The following RBFOX3 variants were observed in gnomAD, a reference collection of about 807,000 sequenced individuals.
RBFOX3 encodes the protein RNA binding protein fox-1 homolog 3.
A neutral mutation model predicts 48.7 loss-of-function variants in RBFOX3; 17 were observed. The observed-to-expected ratio is 0.35, with a 90% confidence interval of 0.24 to 0.52. The LOEUF is 0.52. RBFOX3 is among the 20% of genes least tolerant of loss of function. RBFOX3 has a pLI of 0.94. For missense variants in RBFOX3, 382 were observed against 497.5 expected, an observed-to-expected ratio of 0.77 and a Z score of 2.21; for synonymous variants, 212 against 209.5, an observed-to-expected ratio of 1.01 and a Z score of -0.10.
the RBFOX3 span, among the ~76,000 whole-genome samples, chr17:79,645,576 C>T: frequency 6.6e-6 from 1 of 152,228 alleles, no homozygotes; most frequent in South Asian, 2.1e-4. Flanking sequence ...TCCAGCCCTA[C>T]ACTTGCCACT....
intron 2 of RBFOX3, among the ~76,000 whole-genome samples, chr17:79,401,965 C>T (rs111492964): frequency 9.8e-5 from 15 of 152,354 alleles, no homozygotes; most frequent in African/African-American, 2.2e-4. Flanking sequence ...GAACCGCATA[C>T]GGCTCTCTTA....
At chr17:79,194,913 T>TTCTGTTTGTTTG (rs1555599714) in intron 4 of RBFOX3, among the ~76,000 whole-genome samples, 1 of 151,854 alleles carries the variant, frequency 6.6e-6, no homozygotes, top group East Asian at 1.9e-4. Flanking sequence ...GTGCCCCCAG[T>TTCTGTTTGTTTG]TTTGTTTGTT....
At chr17:79,438,280 C>G (rs782683321) in intron 2 of RBFOX3, among the ~76,000 whole-genome samples, 1 of 152,222 alleles carries the variant, frequency 6.6e-6, no homozygotes, top group Non-Finnish European at 1.5e-5. Flanking sequence ...GCACCGCTAG[C>G]GCTGGGTTCT....
At chr17:79,614,837 AAG>A (rs1318995159), upstream of RBFOX3, among the ~76,000 whole-genome samples, 70 of 152,250 alleles carry the variant, frequency 4.6e-4, no homozygotes, top group African/African-American at 1.6e-3. Context: ...AAAAAGAAGA[AAG>A]AGGGGATGAA....
chr17:79,141,389 G>A (rs112994585), intron 4 of RBFOX3, among the ~76,000 whole-genome samples: 4 of 152,226 alleles, frequency 2.6e-5, no homozygotes, highest in African/African-American at 9.6e-5. Context: ...CACACAGGCA[G>A]AAGGCAGAGG....
intron 4 of RBFOX3, among the ~76,000 whole-genome samples, chr17:79,178,649 G>T (rs911117222): frequency 2.0e-5 from 3 of 152,154 alleles, no homozygotes; most frequent in South Asian, 2.1e-4. Flanking sequence ...TGAAACTGGG[G>T]AAGAACCCAC....
intron 4 of RBFOX3, among the ~76,000 whole-genome samples, chr17:79,178,324 T>C (rs2051073188): frequency 6.6e-6 from 1 of 152,214 alleles, no homozygotes; most frequent in Non-Finnish European, 1.5e-5. Flanking sequence ...GGCTAAAGAC[T>C]TGCAGGAAAA....
chr17:79,263,294 T>C (rs2066111129), intron 3 of RBFOX3, among the ~76,000 whole-genome samples: 1 of 152,222 alleles, frequency 6.6e-6, no homozygotes, highest in Non-Finnish European at 1.5e-5. Context: ...GGCCCAGCAT[T>C]GGGAAGGTGG....
At chr17:79,620,584 C>T in the RBFOX3 span, among the ~76,000 whole-genome samples, 2 of 80,348 alleles carry the variant, frequency 2.5e-5, no homozygotes, top group Admixed American at 1.0e-4. Context: ...CACACACGCA[C>T]GCACACACAC....
At chr17:79,572,196 G>A (rs1306200490) in intron 1 of RBFOX3, among the ~76,000 whole-genome samples, 1 of 152,104 alleles carries the variant, frequency 6.6e-6, no homozygotes, top group African/African-American at 2.4e-5. Flanking sequence ...CTGACACAGA[G>A]CCCCTAACAC....
At chr17:79,464,720 G>A (rs2076082298) in intron 2 of RBFOX3, among the ~76,000 whole-genome samples, 1 of 152,378 alleles carries the variant, frequency 6.6e-6, no homozygotes, top group Middle Eastern at 3.4e-3. Context: ...GAGCCACCTT[G>A]GTTGACCACA....
At position 79,479,600 on chromosome 17, in the gene RBFOX3, G is replaced by A. The variant is rs368845299; in HGVS notation, c.-175+2854C>T. Reference sequence around the variant, plus strand: ...GACAGTGAACACACCGAGGGAAGCAGCTCAGGTCCAAAAGAGCTTGTGGGG... The same window carrying A: ...GACAGTGAACACACCGAGGGAAGCAACTCAGGTCCAAAAGAGCTTGTGGGG... On this transcript the variant is annotated intron_variant, in intron 2 of 14. Coordinates refer to ENST00000693108, the MANE Select transcript of RBFOX3 (RefSeq NM_001350451.2). This position sits in a 1 kb window ranked among gnomAD's most constrained non-coding sequence, Gnocchi z 5.1. Among the ~76,000 whole-genome samples the A allele has an allele frequency of 6.6e-6, 1 of 152,256 alleles. No homozygotes were observed. Among genetic ancestry groups the A allele is most frequent in the Admixed American group, 6.5e-5 (1 of 15,286 alleles).
At chr17:79,201,315 G>C (rs1164191492) in intron 4 of RBFOX3, among the ~76,000 whole-genome samples, 1 of 152,112 alleles carries the variant, frequency 6.6e-6, no homozygotes, top group Non-Finnish European at 1.5e-5. Context: ...TTTAAAAAGG[G>C]AATGTGGGGG....
At chr17:79,092,528 G>A in intron 14 of RBFOX3, 1 of 983,808 alleles carries the variant, frequency 1.0e-6, no homozygotes, top group Non-Finnish European at 1.2e-6. Context: ...GCTGTGCCTG[G>A]TTTTGGGCTG....
chr17:79,400,909 C>T (rs1392888531), intron 2 of RBFOX3, among the ~76,000 whole-genome samples: 1 of 152,244 alleles, frequency 6.6e-6, no homozygotes, highest in Admixed American at 6.5e-5. Context: ...ACCTTGCCAC[C>T]TGGGGAGCTC....
rs2168479 is a variant in RBFOX3 at position 79,308,428 on chromosome 17, G to T, written c.-174-604C>A. Among the ~76,000 whole-genome samples, 834 of 152,266 alleles carry T rather than the reference G, an allele frequency of 5.5e-3. 8 individuals are homozygous for T. The highest frequency in any genetic ancestry group is 0.019 in the African/African-American group (778 of 41,558). On this transcript the variant is annotated intron_variant, in intron 2 of 14. Transcript: ENST00000693108. ...TGTGAATTCTCCTTCTTGGTCTTAG[G>T]CTTCTCTGGGGTTGACAGTGTGAAG...
rs537847710 is a variant in RBFOX3, at chr17:79,194,498, G to A, written c.-34+41268C>T. The stretch of plus-strand genomic sequence containing the variant: ...GGGCATGCCTGTAGTCCCAGCTACC[G>A]GGGAGGCTGAGGCAGGAGAATTGCT... On this transcript the variant is annotated intron_variant, in intron 4 of 14. Coordinates refer to ENST00000693108, the MANE Select transcript of RBFOX3 (RefSeq NM_001350451.2). Among the ~76,000 whole-genome samples, 5 of 152,082 alleles carry A rather than the reference G, an allele frequency of 3.3e-5. 1 individual carries two copies. The highest frequency in any genetic ancestry group is 1.9e-4 in the East Asian group (1 of 5,180).
intron 3 of RBFOX3, among the ~76,000 whole-genome samples, chr17:79,302,406 G>A (rs2075449428): frequency 6.6e-6 from 1 of 152,220 alleles, no homozygotes; most frequent in Admixed American, 6.5e-5. Context: ...TTGGCCAGGT[G>A]TGGTGGCTCA....
At chr17:79,090,950 G>C in intron 14 of RBFOX3, 65 bp from the exon 15 acceptor site, 1 of 1,501,758 alleles carries the variant, frequency 6.7e-7, no homozygotes, top group African/African-American at 1.4e-5. Flanking sequence ...GTGTGAAGGC[G>C]ACAGGACCAC....
Sources: allele counts gnomAD v4.1 joint callset (sites outside exome capture counted in the v4.1 genomes callset), GRCh38; gene constraint gnomAD v4.1.1; non-coding constraint Gnocchi (gnomAD v3.1); transcripts MANE v1.5; gene names NCBI Gene and HGNC (gene_info 2026-07-23, HGNC 2026-07-21).